MRPL45: variants seen among roughly 807,000 people sequenced by gnomAD.
MRPL45 encodes mitochondrial ribosomal protein L45, also known as large ribosomal subunit protein mL45.
Under a neutral mutation model 38.1 loss-of-function variants are expected in MRPL45, and 20 were observed. The observed-to-expected ratio is 0.53, with a 90% CI of 0.37 to 0.76. The LOEUF (loss-of-function observed/expected upper bound fraction) is 0.76, where lower values mean the gene tolerates loss of function less well. Among genes scored for constraint, MRPL45 ranks in the 30% least tolerant of loss-of-function variants. The pLI is 0.00. For missense variants in MRPL45, 337 were observed against 395.6 expected (o/e 0.85, Z 1.26); for synonymous variants, 105 against 128.8 (o/e 0.82, Z 1.25).
intron 3 of MRPL45, among the ~76,000 whole-genome samples, chr17:38,305,846 T>C (rs1384867715): frequency 6.6e-6 from 1 of 151,912 alleles, no homozygotes; most frequent in Non-Finnish European, 1.5e-5. Flanking sequence ...TTTCACCCTG[T>C]TGGCTAGGCT....
Position 38,318,170 on chromosome 17 carries a change from T to C in MRPL45, c.462-517T>C, listed in dbSNP as rs193132022. 3.1e-3 allele frequency among the ~76,000 whole-genome samples: 409 copies of C among 131,310 alleles called. 3 individuals carry two copies. The highest frequency in any genetic ancestry group is 0.012 in the African/African-American group (392 of 33,980). 86.1% of individuals were successfully genotyped at this position (131,310 alleles called of 152,430 possible). A position where few individuals can be genotyped will look rare whatever the true frequency, so the allele number is the denominator to read the frequency against. On this transcript the variant is annotated intron_variant, in intron 4 of 7. Transcript: ENST00000613675. ...TTGCAGTGAGCCGAGATCGCGCCACTGCACTCCAGCCTGGCGACAGAGCGA... is the reference window on the plus strand; with the variant it reads ...TTGCAGTGAGCCGAGATCGCGCCACCGCACTCCAGCCTGGCGACAGAGCGA...
intron 4 of MRPL45, among the ~76,000 whole-genome samples, chr17:38,312,843 C>A (rs1423530416): frequency 2.0e-5 from 3 of 148,144 alleles, no homozygotes. Flanking sequence ...GAGACTGTCT[C>A]AAAAAAAAAA....
intron 4 of MRPL45, among the ~76,000 whole-genome samples, chr17:38,313,333 C>CGTATATATATATATATATACAT (rs1230995888): frequency 2.3e-4 from 4 of 17,254 alleles, no homozygotes; most frequent in African/African-American, 9.1e-4. Flanking sequence ...TATATATATA[C>CGTATATATATATATATATACAT]ATATATATAT....
intron 6 of MRPL45, 138 bp downstream of exon 6, chr17:38,320,905 C>A: frequency 1.3e-6 from 1 of 784,384 alleles, no homozygotes. Context: ...CCTTGCTGTG[C>A]CGCTGTCCCC....
At chr17:38,298,716 A>G (rs1386799173) in intron 2 of MRPL45, 90 bp downstream of exon 2, 36 of 1,489,860 alleles carry the variant, frequency 2.4e-5, no homozygotes, top group Non-Finnish European at 3.2e-5. Context: ...GATAATATTT[A>G]ATTAAGCACG....
rs2037245773 is a variant in MRPL45 at position 38,322,903 on chromosome 17, A to G, written c.*308A>G. The G allele has an allele frequency of 3.3e-6, 1 of 299,418 alleles. No homozygotes were observed. The highest frequency in any genetic ancestry group is 5.9e-5 in the South Asian group (1 of 17,034). 18.5% of individuals were successfully genotyped at this position (299,418 alleles called of 1,614,324 possible). ...CCCACAGCAGGGACTGTGAGAGACA[A>G]CCAGCAGCATCCTCTTTGTAATCAC... On this transcript the variant is annotated 3_prime_UTR_variant, in exon 8 of 8. Coordinates refer to ENST00000613675, the MANE Select transcript of MRPL45 (RefSeq NM_032351.6).
At chr17:38,317,515 C>T (rs2144234868) in intron 4 of MRPL45, among the ~76,000 whole-genome samples, 1 of 152,174 alleles carries the variant, frequency 6.6e-6, no homozygotes, top group Admixed American at 6.6e-5. Flanking sequence ...AGGAACCCTC[C>T]TAAAATCTTG....
Position 38,318,740 on chromosome 17 carries a change from G to T in MRPL45, c.510+5G>T, listed in dbSNP as rs1374315701. The T allele has an allele frequency of 6.2e-7, 1 of 1,601,648 alleles. No individual in the cohort carries two copies. The highest frequency in any genetic ancestry group is 1.3e-5 in the African/African-American group (1 of 74,236). Reference sequence around the variant, plus strand: ...GTAACTGAACACTGTTTTCCAGTAAGTTCTCATCCTCCTTAGAACTGTGGG... The same window carrying T: ...GTAACTGAACACTGTTTTCCAGTAATTTCTCATCCTCCTTAGAACTGTGGG... On this transcript the variant is annotated splice_donor_5th_base_variant and intron_variant, in intron 5 of 7. Coordinates refer to ENST00000613675, the MANE Select transcript of MRPL45 (RefSeq NM_032351.6).
chr17:38,317,667 G>A lies in MRPL45; in HGVS notation c.462-1020G>A, dbSNP rs2037188061. Among the ~76,000 whole-genome samples, 2 of 151,990 alleles carry A rather than the reference G, an allele frequency of 1.3e-5. 1 individual carries two copies. The highest frequency in any genetic ancestry group is 4.1e-4 in the South Asian group (2 of 4,824). ...GCTCACCGCAACCTCCGCCTCCCGG[G>A]TTCATGCCATTCTCCTGCCTTAGCC... On this transcript the variant is annotated intron_variant, in intron 4 of 7. Coordinates refer to ENST00000613675, the MANE Select transcript of MRPL45 (RefSeq NM_032351.6).
chr17:38,313,337 T>TGAGAG (rs2037140409), intron 4 of MRPL45, among the ~76,000 whole-genome samples: 1 of 18,348 alleles, frequency 5.5e-5, no homozygotes, highest in South Asian at 2.2e-3. Context: ...TATATACATA[T>TGAGAG]ATATATATAC....
Position 38,320,749 on chromosome 17 carries a change from A to G in MRPL45, c.642A>G (p.Val214=). ...GCAACGTGTACGGCCAGATCACCGT[A>G]CGCATGCACACCCGGCAGGTAGAGG... is the stretch of plus-strand genomic sequence containing the variant. ...NQGNVYGQIT[V]RMHTRQTLAI... The change falls in exon 6 of 8, where the codon GTA becomes GTG. Residue 214 remains valine, a synonymous_variant. Transcript: ENST00000613675. 2 of 1,614,104 alleles carry G rather than the reference A, an allele frequency of 1.2e-6. No individual in the cohort carries two copies. The highest frequency in any genetic ancestry group is 8.5e-7 in the Non-Finnish European group (1 of 1,180,040).
chr17:38,304,590 C>G (rs2037031766), intron 3 of MRPL45, among the ~76,000 whole-genome samples: 1 of 152,196 alleles, frequency 6.6e-6, no homozygotes, highest in South Asian at 2.1e-4. Flanking sequence ...TTCGCCCAGG[C>G]TGGATTGCAG....
rs1302377884 is a variant in MRPL45 at position 38,322,489 on chromosome 17, C to G, written c.835-20C>G. Reference sequence around the variant, plus strand: ...GCCATGGGCTTGGTTGGTGGGTAACCTGGCGTCCTACTCTTTCAGACGGTG... The same window carrying G: ...GCCATGGGCTTGGTTGGTGGGTAACGTGGCGTCCTACTCTTTCAGACGGTG... On this transcript the variant is annotated intron_variant, in intron 7 of 7. Coordinates refer to ENST00000613675, the MANE Select transcript of MRPL45 (RefSeq NM_032351.6). 3.7e-6 allele frequency: 6 copies of G among 1,609,648 alleles called. No homozygotes were observed. The highest frequency in any genetic ancestry group is 4.2e-6 in the Non-Finnish European group (5 of 1,177,496).
At chr17:38,315,385 G>A (rs1368823501) in intron 4 of MRPL45, among the ~76,000 whole-genome samples, 2 of 151,934 alleles carry the variant, frequency 1.3e-5, no homozygotes, top group African/African-American at 2.4e-5. Context: ...CCCCTGAGTA[G>A]CTGGGACTAC....
intron 3 of MRPL45, among the ~76,000 whole-genome samples, chr17:38,303,290 A>ATTTTTTTTTT (rs776250748): frequency 1.9e-5 from 2 of 103,432 alleles, no homozygotes; most frequent in African/African-American, 4.2e-5. Flanking sequence ...AAAACATTAA[A>ATTTTTTTTTT]TTTTTTTTTT....
At chr17:38,314,454 A>G (rs1436242976) in intron 4 of MRPL45, among the ~76,000 whole-genome samples, 2 of 152,166 alleles carry the variant, frequency 1.3e-5, no homozygotes, top group East Asian at 3.8e-4. Context: ...TTAAATTTTG[A>G]TGAAATCCAG....
At chr17:38,303,456 C>T (rs527498237) in intron 3 of MRPL45, among the ~76,000 whole-genome samples, 269 of 151,758 alleles carry the variant, frequency 1.8e-3, no homozygotes, top group African/African-American at 6.3e-3. Context: ...TGCCACCACA[C>T]CTGGCTGTTT....
chr17:38,308,735 C>A (rs144637188), intron 4 of MRPL45, among the ~76,000 whole-genome samples: 1 of 151,958 alleles, frequency 6.6e-6, no homozygotes. Flanking sequence ...CCAACGCGCC[C>A]GGCCTAATTT....
At chr17:38,311,598 A>G (rs1212320221) in intron 4 of MRPL45, among the ~76,000 whole-genome samples, 1 of 151,392 alleles carries the variant, frequency 6.6e-6, no homozygotes, top group Non-Finnish European at 1.5e-5. Flanking sequence ...AGGCAAGAGA[A>G]TTGCTTGAAC....
Sources: gnomAD v4.1 joint callset for allele counts (sites outside exome capture counted in the v4.1 genomes callset) on GRCh38, gnomAD v4.1.1 for gene constraint, MANE v1.5 for transcripts, NCBI Gene and HGNC (gene_info 2026-07-23, HGNC 2026-07-21) for gene names.